The following PYGB variants were observed in gnomAD, a reference collection of about 807,000 sequenced individuals.
The protein encoded by PYGB is glycogen phosphorylase, brain form.
A neutral mutation model predicts 94.3 loss-of-function variants in PYGB; 82 were observed. The ratio of observed to expected loss-of-function variants is 0.87; its 90% CI spans 0.73 to 1.04. The LOEUF is 1.04. PYGB is among the 50% of genes least tolerant of loss of function. The pLI is 0.00. For synonymous variants in PYGB, 488 were observed against 479.1 expected (o/e 1.02, Z -0.24); for missense variants, 1,132 against 1,158.2 (o/e 0.98, Z 0.33).
At position 25,248,171 on chromosome 20, in the gene PYGB, CCGGCGCGATGGCGAAGCCGCTGA is replaced by C. The variant is rs2092875994; in HGVS notation, c.-4_19del. 1 of 1,587,720 alleles carries C rather than the reference CCGGCGCGATGGCGAAGCCGCTGA, an allele frequency of 6.3e-7. No homozygotes were observed. The highest frequency in any genetic ancestry group is 8.6e-7 in the Non-Finnish European group (1 of 1,167,530). ...CTCCATCTCTTTTCCTCCGCCTCCG[CCGGCGCGATGGCGAAGCCGCTGA>C]CGGACAGCGAGAAGCGGAAGCAGAT... is the stretch of plus-strand genomic sequence containing the variant. On this transcript the variant is annotated start_lost and 5_prime_UTR_variant, in exon 1 of 20. Transcript: ENST00000216962.
chr20:25,272,875 G>A (rs567864558), intron 4 of PYGB, among the ~76,000 whole-genome samples: 7 of 152,292 alleles, frequency 4.6e-5, no homozygotes, highest in Middle Eastern at 3.4e-3. Flanking sequence ...GCTCCCCTTC[G>A]CCTAGCTGGT....
chr20:25,272,607 A>G (rs2088276963), intron 4 of PYGB, among the ~76,000 whole-genome samples: 1 of 152,284 alleles, frequency 6.6e-6, no homozygotes, highest in Non-Finnish European at 1.5e-5. Context: ...GAAAACGCTC[A>G]TAATAAAATG....
chr20:25,261,047 TG>T (rs1361686500), intron 2 of PYGB, among the ~76,000 whole-genome samples: 1 of 152,198 alleles, frequency 6.6e-6, no homozygotes, highest in Admixed American at 6.5e-5. Flanking sequence ...ACTCCACCTC[TG>T]GGGGCAGGGC....
chr20:25,277,543 C>A (rs1304816942), intron 7 of PYGB, among the ~76,000 whole-genome samples: 3 of 152,116 alleles, frequency 2.0e-5, no homozygotes, highest in Non-Finnish European at 4.4e-5. Context: ...TGCCTCTTGG[C>A]AGCTCTGTGG....
At chr20:25,256,211 G>C (rs1401408045) in intron 1 of PYGB, among the ~76,000 whole-genome samples, 1 of 152,186 alleles carries the variant, frequency 6.6e-6, no homozygotes, top group Admixed American at 6.5e-5. Context: ...AACAAAATGA[G>C]GCTCTGCCAG....
At chr20:25,265,112 AAAT>A (rs1183724791) in intron 2 of PYGB, among the ~76,000 whole-genome samples, 2 of 152,212 alleles carry the variant, frequency 1.3e-5, no homozygotes, top group African/African-American at 4.8e-5. Flanking sequence ...GAGCCCTCAG[AAAT>A]AATACCACAC....
intron 4 of PYGB, among the ~76,000 whole-genome samples, chr20:25,272,056 A>G (rs755114247): frequency 3.9e-5 from 6 of 152,146 alleles, no homozygotes; most frequent in South Asian, 2.1e-4. Context: ...GCTAAGTGAG[A>G]TGGTTGAGAC....
At chr20:25,253,005 GT>G (rs1212888282) in intron 1 of PYGB, among the ~76,000 whole-genome samples, 3 of 152,224 alleles carry the variant, frequency 2.0e-5, no homozygotes, top group Non-Finnish European at 4.4e-5. Context: ...AAAGGGACTT[GT>G]TATGAATAAC....
intron 17 of PYGB, chr20:25,293,820 A>G (rs1453553909): frequency 5.8e-6 from 2 of 344,142 alleles, no homozygotes; most frequent in Non-Finnish European, 1.1e-5. Context: ...AGCTCTGCCC[A>G]GGATTTCACA....
At chr20:25,250,106 C>A (rs982980121) in intron 1 of PYGB, among the ~76,000 whole-genome samples, 1 of 152,186 alleles carries the variant, frequency 6.6e-6, no homozygotes, top group Non-Finnish European at 1.5e-5. Flanking sequence ...GCCTCGGCCT[C>A]CCAAAGTGCA....
In PYGB at chr20:25,282,072, G is replaced by A; in HGVS notation, c.1443G>A (p.Gln481=). ...DFYELEPEKF[Q]NKTNGITPRR... is the part of the protein sequence containing the mutation. ...ATGAACTGGAGCCAGAGAAGTTCCA[G>A]AATAAGACCAATGGCATCACCCCCC... Residue 481 remains glutamine (Q), a synonymous_variant, in exon 12 of 20, where the codon CAG becomes CAA. Transcript: ENST00000216962. The A allele has an allele frequency of 6.2e-7, 1 of 1,614,010 alleles. No individual in the cohort carries two copies.
At position 25,248,140 on chromosome 20, in the gene PYGB, T is replaced by TTCC; in HGVS notation, c.-32_-30dup. On this transcript the variant is annotated 5_prime_UTR_variant, in exon 1 of 20. Coordinates refer to ENST00000216962, the MANE Select transcript of PYGB (RefSeq NM_002862.4). ...CCCGGCGTTCGCGTGTGCCGCCGCT[T>TTCC]TCCTCCTCCATCTCTTTTCCTCCGC... 2.6e-6 allele frequency: 4 copies of TTCC among 1,542,150 alleles called. No individual in the cohort carries two copies. The highest frequency in any genetic ancestry group is 3.5e-6 in the Non-Finnish European group (4 of 1,146,694).
intron 2 of PYGB, among the ~76,000 whole-genome samples, chr20:25,268,159 C>CCT (rs2088234139): frequency 6.1e-5 from 1 of 16,462 alleles, no homozygotes; most frequent in Admixed American, 9.2e-4. Context: ...ATCCTAGCAC[C>CCT]CGCCCCCCCC....
chr20:25,281,104 ACAGT>A lies in PYGB; in HGVS notation c.1397_1400del (p.Gln466ArgfsTer47). 2 of 1,614,092 alleles carry A rather than the reference ACAGT, an allele frequency of 1.2e-6. No individual in the cohort carries two copies. Among genetic ancestry groups the A allele is most frequent in the Non-Finnish European group, 1.7e-6 (2 of 1,179,980 alleles). On this transcript the variant is annotated frameshift_variant, in exon 11 of 20. Coordinates refer to ENST00000216962, the MANE Select transcript of PYGB (RefSeq NM_002862.4). LOFTEE classifies it high-confidence loss of function. ...CGAGGATCCACTCGGAGATCGTGAAACAGTCGGTGTGAGTGGGGCGCTTGCCCGA... is the reference window on the plus strand; with the variant it reads ...CGAGGATCCACTCGGAGATCGTGAAACGGTGTGAGTGGGGCGCTTGCCCGA...
chr20:25,290,146 A>G (rs2088452943), intron 15 of PYGB, among the ~76,000 whole-genome samples: 1 of 152,182 alleles, frequency 6.6e-6, no homozygotes, highest in South Asian at 2.1e-4. Context: ...GTGTCCCAGT[A>G]TGTCCCTAGG....
chr20:25,296,232 G>GT, intron 19 of PYGB, 138 bp from the exon 20 acceptor site: 1 of 1,058,878 alleles, frequency 9.4e-7, no homozygotes, highest in Non-Finnish European at 1.4e-6. Context: ...ACAAGTGATT[G>GT]TAATGTCCTC....
At chr20:25,288,033 T>C (rs1385377699) in intron 14 of PYGB, among the ~76,000 whole-genome samples, 1 of 152,186 alleles carries the variant, frequency 6.6e-6, no homozygotes, top group East Asian at 1.9e-4. Context: ...TACAGGGGCC[T>C]TGAACACTGG....
At chr20:25,277,157 C>A in intron 6 of PYGB, 87 bp from the exon 7 acceptor site, 1 of 1,079,130 alleles carries the variant, frequency 9.3e-7, no homozygotes, top group Non-Finnish European at 1.4e-6. Flanking sequence ...AGCGAGTTTC[C>A]TTGGCCTTTG....
At chr20:25,248,533 T>G in intron 1 of PYGB, 112 bp downstream of exon 1, 1 of 1,209,878 alleles carries the variant, frequency 8.3e-7, no homozygotes, top group Non-Finnish European at 1.0e-6. Flanking sequence ...CCTGCGCCCC[T>G]AGCCGGCCGG....
Sources: gnomAD v4.1 joint callset for allele counts (sites outside exome capture counted in the v4.1 genomes callset) on GRCh38, gnomAD v4.1.1 for gene constraint, MANE v1.5 for transcripts, NCBI Gene and HGNC (gene_info 2026-07-23, HGNC 2026-07-21) for gene names.